Variants in ZC3H12B observed in about 807,000 individuals in gnomAD.
ZC3H12B encodes the protein zinc finger CCCH-type containing 12B.
In ZC3H12B, 7 loss-of-function variants were observed where a neutral mutation model predicts 43.9. The observed-to-expected ratio is 0.16, with a 90% CI of 0.09 to 0.30. The LOEUF (loss-of-function observed/expected upper bound fraction) is 0.30, where lower values mean the gene tolerates loss of function less well. Ranked by LOEUF, ZC3H12B falls within the 10% of genes least tolerant of loss-of-function variation. The probability of loss-of-function intolerance (pLI) is 1.00; values close to 1 mark genes in which losing one functional copy is unlikely to be tolerated. For synonymous variants in ZC3H12B, 222 were observed against 241.7 expected, an observed-to-expected ratio of 0.92 and a Z score of 0.76; for missense variants, 475 against 670.2, an observed-to-expected ratio of 0.71 and a Z score of 3.22.
chrX:65,285,157 G>T, the ZC3H12B span, among the ~76,000 whole-genome samples: 502 of 110,097 alleles, frequency 4.6e-3, 4 homozygotes, highest in African/African-American at 0.016. Context: ...GGAGACAGGT[G>T]GTGTTTGGTT....
At chrX:65,433,404 C>G (rs2067186159) in intron 3 of ZC3H12B, among the ~76,000 whole-genome samples, 1 of 111,525 alleles carries the variant, frequency 9.0e-6, no homozygotes, top group African/African-American at 3.3e-5. Flanking sequence ...TCCATTTGGC[C>G]TTTCACACCA....
the ZC3H12B span, among the ~76,000 whole-genome samples, chrX:65,308,927 TC>T: frequency 8.9e-6 from 1 of 112,056 alleles, no homozygotes; most frequent in African/African-American, 3.2e-5. Context: ...ATAAAGATGT[TC>T]TTTGAAACCA....
chrX:65,478,432 C>A (rs1471949996), intron 3 of ZC3H12B, among the ~76,000 whole-genome samples: 2 of 111,965 alleles, frequency 1.8e-5, no homozygotes, highest in East Asian at 5.6e-4. Flanking sequence ...TTGTTGAAGA[C>A]TGAACATTTT....
At chrX:65,377,663 A>C (rs1262829213) in intron 2 of ZC3H12B, among the ~76,000 whole-genome samples, 2 of 111,888 alleles carry the variant, frequency 1.8e-5, no homozygotes, top group African/African-American at 6.5e-5. Flanking sequence ...TAACCAAAAA[A>C]AAATTCTTCA....
rs1309725407 is a variant in ZC3H12B, at chrX:65,410,798, C to G, written n.407+12094C>G. Among the ~76,000 whole-genome samples the G allele has an allele frequency of 2.7e-4, 30 of 112,097 alleles. No homozygotes were observed. In the Admixed American group the frequency reaches 2.8e-3, roughly 11 times the overall value. On this transcript the variant is annotated intron_variant and non_coding_transcript_variant, in intron 3 of 5. Transcript: ENST00000617377. Reference sequence around the variant, plus strand: ...AGTGCAAATAGCTTATATCCAAACACAGGCAATAACAAGTGCTGACGAGGA... The same window carrying G: ...AGTGCAAATAGCTTATATCCAAACAGAGGCAATAACAAGTGCTGACGAGGA...
chrX:65,119,114 G>A, the ZC3H12B span, among the ~76,000 whole-genome samples: 155 of 111,355 alleles, frequency 1.4e-3, 1 homozygote, highest in African/African-American at 5.0e-3. Flanking sequence ...AAACATACGT[G>A]TGCATGTGTC....
At chrX:65,285,464 G>A in the ZC3H12B span, among the ~76,000 whole-genome samples, 6 of 111,074 alleles carry the variant, frequency 5.4e-5, no homozygotes, top group South Asian at 7.5e-4. Context: ...TCTAAAAACA[G>A]CAAGATAAAA....
the ZC3H12B span, among the ~76,000 whole-genome samples, chrX:65,236,361 G>A: frequency 4.5e-5 from 5 of 111,425 alleles, no homozygotes; most frequent in Admixed American, 9.5e-5. Context: ...TTTGAGAAGG[G>A]TTTGTCCATG....
intron 3 of ZC3H12B, among the ~76,000 whole-genome samples, chrX:65,433,315 C>T (rs2067184969): frequency 8.9e-6 from 1 of 112,273 alleles, no homozygotes; most frequent in Admixed American, 9.5e-5. Context: ...GATGATGGCA[C>T]TAATCTCTGC....
exon 5 of ZC3H12B, chrX:65,502,031 A>G (rs1402071340): frequency 1.7e-6 from 2 of 1,210,688 alleles, no homozygotes; most frequent in Non-Finnish European, 2.2e-6. Flanking sequence ...GTCTGTGGCT[A>G]TGGAGCCTGA....
chrX:65,485,541 C>G (rs1317849220), upstream of ZC3H12B, among the ~76,000 whole-genome samples: 4 of 112,756 alleles, frequency 3.5e-5, no homozygotes, highest in African/African-American at 1.3e-4. Context: ...TAGGCTTGAA[C>G]TACTGTGCCC....
the ZC3H12B span, among the ~76,000 whole-genome samples, chrX:65,291,959 C>A: frequency 8.9e-6 from 1 of 111,751 alleles, no homozygotes; most frequent in South Asian, 3.7e-4. Context: ...GGGATTAATT[C>A]TCTAAAGACA....
the ZC3H12B span, among the ~76,000 whole-genome samples, chrX:65,096,790 T>TA: frequency 8.1e-5 from 9 of 111,774 alleles, no homozygotes; most frequent in Non-Finnish European, 1.3e-4. Flanking sequence ...ATTTTTTTTG[T>TA]AAAAAATAAT....
At chrX:65,206,266 T>C in the ZC3H12B span, among the ~76,000 whole-genome samples, 2 of 111,668 alleles carry the variant, frequency 1.8e-5, no homozygotes, top group Non-Finnish European at 3.8e-5. Context: ...TAAGCTGTAG[T>C]ATAAGGTCAT....
At chrX:65,165,231 T>C in the ZC3H12B span, among the ~76,000 whole-genome samples, 1 of 112,239 alleles carries the variant, frequency 8.9e-6, no homozygotes, top group Non-Finnish European at 1.9e-5. Flanking sequence ...ATTATATTGC[T>C]AAAAATGTTA....
the ZC3H12B span, among the ~76,000 whole-genome samples, chrX:65,043,241 C>T: frequency 9.1e-6 from 1 of 110,188 alleles, no homozygotes; most frequent in Non-Finnish European, 1.9e-5. Flanking sequence ...GTGTCTACCA[C>T]GAAGTATAAA....
the ZC3H12B span, among the ~76,000 whole-genome samples, chrX:65,360,387 A>T: frequency 8.9e-6 from 1 of 112,480 alleles, no homozygotes; most frequent in South Asian, 3.7e-4. Flanking sequence ...TTAAAAACAC[A>T]AAATATTTGA....
chrX:65,283,461 A>C, the ZC3H12B span, among the ~76,000 whole-genome samples: 1 of 111,884 alleles, frequency 8.9e-6, no homozygotes, highest in African/African-American at 3.2e-5. Context: ...ATAGTGTTGG[A>C]AGTTCTGGCC....
At chrX:65,263,158 T>G in the ZC3H12B span, among the ~76,000 whole-genome samples, 15 of 111,594 alleles carry the variant, frequency 1.3e-4, no homozygotes, top group African/African-American at 3.9e-4. Flanking sequence ...ATGAGGTTCA[T>G]TTGTACAATG....
Sources: gnomAD v4.1 joint callset for allele counts (sites outside exome capture counted in the v4.1 genomes callset) on GRCh38, gnomAD v4.1.1 for gene constraint, MANE v1.5 for transcripts, NCBI Gene and HGNC (gene_info 2026-07-23, HGNC 2026-07-21) for gene names.